Variants in DNAJC13 observed in about 807,000 individuals in gnomAD.
DNAJC13 encodes DnaJ heat shock protein family (Hsp40) member C13, also known as dnaJ homolog subfamily C member 13.
Under a neutral mutation model 290.5 loss-of-function variants are expected in DNAJC13, and 75 were observed. The observed-to-expected ratio is 0.26, with a 90% CI of 0.21 to 0.31. The LOEUF (loss-of-function observed/expected upper bound fraction) is 0.31. Among genes scored for constraint, DNAJC13 ranks in the 10% least tolerant of loss-of-function variants. The probability of loss-of-function intolerance (pLI) is 1.00; values close to 1 mark genes in which losing one functional copy is unlikely to be tolerated. For synonymous variants in DNAJC13, 862 were observed against 892.0 expected, an observed-to-expected ratio of 0.97 and a Z score of 0.60; for missense variants, 2,260 against 2,674.5, an observed-to-expected ratio of 0.85 and a Z score of 3.42.
intron 38 of DNAJC13, 34 bp from the exon 39 acceptor site, chr3:132,500,760 T>C (rs1369341741): frequency 2.5e-6 from 4 of 1,611,710 alleles, no homozygotes; most frequent in African/African-American, 1.3e-5. Context: ...TATGTGACTC[T>C]ACTGGTTTTT....
At chr3:132,466,204 C>G in intron 18 of DNAJC13, 95 bp from the exon 19 acceptor site, 1 of 1,427,756 alleles carries the variant, frequency 7.0e-7, no homozygotes. Context: ...TAAAGTTTTA[C>G]CCTCAATAGC....
At position 132,456,314 on chromosome 3, in the gene DNAJC13, C is replaced by G. The variant is rs1358557636; in HGVS notation, c.1012C>G (p.His338Asp). Residue 338 changes from histidine (H) to aspartate (D), a missense_variant, in exon 10 of 56, where the codon CAT (histidine) becomes GAT (aspartate). By Grantham distance (81) the His-to-Asp change is moderately conservative. Around this residue, in one of 3 missense-constraint regions of DNAJC13, gnomAD observed 762 missense variants for 964.1 expected, o/e 0.79. Transcript: ENST00000260818. The stretch of plus-strand genomic sequence containing the variant: ...TGTTTGTGTAAAAATGACACCAACC[C>G]ATAAAGGTCAGCGATGGGGGTTACT... ...RDVCVKMTPTHKGQRWGLLSM... is the reference protein window; with the variant it reads ...RDVCVKMTPTDKGQRWGLLSM... The G allele has an allele frequency of 3.2e-5, 52 of 1,613,932 alleles. No homozygotes were observed. Among genetic ancestry groups the G allele is most frequent in the Non-Finnish European group, 4.4e-5 (52 of 1,179,886 alleles).
chr3:132,494,268 T>A lies in DNAJC13; in HGVS notation c.3941+9T>A, dbSNP rs769506499. ...CCTCAAGGACAGGGACCGTGAGTTG[T>A]TTTCAGTACAATAGCAAATGTCTGT... On this transcript the variant is annotated intron_variant, in intron 34 of 55. Transcript: ENST00000260818. 31 of 1,589,546 alleles carry A rather than the reference T, an allele frequency of 2.0e-5. No homozygotes were observed. Among genetic ancestry groups the A allele is most frequent in the Non-Finnish European group, 2.5e-5 (29 of 1,158,482 alleles).
chr3:132,524,904 A>T (rs190024037), intron 51 of DNAJC13, among the ~76,000 whole-genome samples: 3 of 152,218 alleles, frequency 2.0e-5, no homozygotes, highest in Admixed American at 1.3e-4. Flanking sequence ...GGAGCCAGAC[A>T]TGTTAAATAG....
At chr3:132,491,944 T>A (rs1312920763) in intron 32 of DNAJC13, among the ~76,000 whole-genome samples, 1 of 152,146 alleles carries the variant, frequency 6.6e-6, no homozygotes, top group Non-Finnish European at 1.5e-5. Context: ...GTAATATTTT[T>A]CTCCTGAGAT....
Position 132,462,535 on chromosome 3 carries a change from A to C in DNAJC13, c.1770+12A>C, listed in dbSNP as rs1559879524. 2 of 1,592,508 alleles carry C rather than the reference A, an allele frequency of 1.3e-6. No individual in the cohort carries two copies. Among genetic ancestry groups the C allele is most frequent in the Non-Finnish European group, 1.7e-6 (2 of 1,168,972 alleles). On this transcript the variant is annotated intron_variant, in intron 16 of 55. Transcript: ENST00000260818. ...AGGCAATAATAGAGGTGAGAGAACA[A>C]TTTTGAAATTTTAACCTTACTTGAA... is the stretch of plus-strand genomic sequence containing the variant.
chr3:132,456,678 A>C lies in DNAJC13; in HGVS notation c.1195A>C (p.Asn399His). The C allele has an allele frequency of 6.2e-7, 1 of 1,613,800 alleles. No homozygotes were observed. The highest frequency in any genetic ancestry group is 8.5e-7 in the Non-Finnish European group (1 of 1,179,844). ...AVTQDGLFSENKEKLINNAIT... is the reference protein window; with the variant it reads ...AVTQDGLFSEHKEKLINNAIT... ...CTTCACCTAGGGTCTCTTCTCAGAA[A>C]ACAAAGAAAAACTGATCAATAATGC... The change falls in exon 12 of 56, where the codon AAC becomes CAC. Residue 399 changes from asparagine to histidine, a missense_variant. Physicochemically the swap from Asn to His is moderately conservative, Grantham distance 68 (BLOSUM62 1). Coordinates refer to ENST00000260818, the MANE Select transcript of DNAJC13 (RefSeq NM_015268.4).
chr3:132,478,230 C>A (rs1335323182), intron 24 of DNAJC13, 90 bp downstream of exon 24: 1 of 1,096,548 alleles, frequency 9.1e-7, no homozygotes, highest in Non-Finnish European at 1.3e-6. Flanking sequence ...TCTGTTTGAT[C>A]ACATTATTAC....
At position 132,446,455 on chromosome 3, in the gene DNAJC13, G is replaced by A. The variant is rs751844823; in HGVS notation, c.69-20G>A. The A allele has an allele frequency of 1.4e-5, 22 of 1,570,186 alleles. No individual in the cohort carries two copies. Among genetic ancestry groups the A allele is most frequent in the Non-Finnish European group, 1.9e-5 (22 of 1,155,312 alleles). On this transcript the variant is annotated intron_variant, in intron 2 of 55. Coordinates refer to ENST00000260818, the MANE Select transcript of DNAJC13 (RefSeq NM_015268.4). ...TCTTTTTGTTTAAAACTAAATTTAA[G>A]CACTTGTTTTCCTTTGTAGGTATAA...
In DNAJC13 at chr3:132,502,464, A is replaced by G; in HGVS notation, c.4712A>G (p.Gln1571Arg). The change falls in exon 40 of 56, where the codon CAG (glutamine) becomes CGG (arginine). Residue 1571 changes from glutamine (Q) to arginine (R), a missense_variant. Around this residue, in one of 3 missense-constraint regions of DNAJC13, gnomAD observed 1,494 missense variants for 1,693.7 expected, o/e 0.88. Coordinates refer to ENST00000260818, the MANE Select transcript of DNAJC13 (RefSeq NM_015268.4). ...SGIQKSEETN[Q>R]QEVANSLAKL... ...ATTCAGAAAAGTGAAGAAACAAACC[A>G]GCAGGTAACTTTAACATTGCTTTAA... 5.6e-6 allele frequency: 9 copies of G among 1,605,792 alleles called. No homozygotes were observed. Among genetic ancestry groups the G allele is most frequent in the Non-Finnish European group, 7.7e-6 (9 of 1,175,720 alleles).
intron 1 of DNAJC13, among the ~76,000 whole-genome samples, chr3:132,426,652 A>AT (rs575192345): frequency 2.5e-4 from 38 of 152,170 alleles, no homozygotes; most frequent in Admixed American, 2.1e-3. Flanking sequence ...AATTTTACAG[A>AT]TTTTTTTCAT....
chr3:132,532,578 AAT>A (rs1271884525), intron 55 of DNAJC13, among the ~76,000 whole-genome samples: 3 of 152,088 alleles, frequency 2.0e-5, no homozygotes, highest in Admixed American at 6.6e-5. Flanking sequence ...TTGGTGTTAA[AAT>A]TATAGCTTCT....
chr3:132,501,739 G>A (rs57486143), intron 39 of DNAJC13, among the ~76,000 whole-genome samples: 2,883 of 152,272 alleles, frequency 0.019, 101 homozygotes, highest in African/African-American at 0.065. Context: ...CTGGGAGGGA[G>A]AGAGAAATGT....
intron 15 of DNAJC13, among the ~76,000 whole-genome samples, chr3:132,461,924 C>T (rs1387268243): frequency 6.6e-6 from 1 of 152,028 alleles, no homozygotes; most frequent in African/African-American, 2.4e-5. Flanking sequence ...TGCCCCTGAG[C>T]TTAAGCGATC....
rs759193483 is a variant in DNAJC13 at position 132,478,086 on chromosome 3, C to T, written c.2655C>T (p.His885=). ...TTGCTATTGTTTATGGCAGATGTCA[C>T]GAAGAAATAGGACCTTTTACAGATA... The part of the protein sequence containing the change: ...QALAIVYGRC[H]EEIGPFTDTR... The change falls in exon 24 of 56, where the codon CAC becomes CAT. Residue 885 remains histidine (H), a synonymous_variant. Transcript: ENST00000260818. The T allele has an allele frequency of 5.0e-6, 8 of 1,612,960 alleles. No individual in the cohort carries two copies. The highest frequency in any genetic ancestry group is 2.7e-5 in the African/African-American group (2 of 74,694).
intron 20 of DNAJC13, among the ~76,000 whole-genome samples, chr3:132,471,366 G>A (rs1197168312): frequency 1.4e-4 from 20 of 145,234 alleles, no homozygotes; most frequent in South Asian, 2.3e-4. Flanking sequence ...CCTCCCTCCC[G>A]GACGGGGTGG....
At chr3:132,477,050 C>T (rs180892993) in intron 22 of DNAJC13, among the ~76,000 whole-genome samples, 1 of 152,264 alleles carries the variant, frequency 6.6e-6, no homozygotes, top group African/African-American at 2.4e-5. Context: ...TCTCCAGTGC[C>T]TGGAATAGTA....
At chr3:132,489,146 T>C in intron 31 of DNAJC13, 125 bp downstream of exon 31, 1 of 668,940 alleles carries the variant, frequency 1.5e-6, no homozygotes, top group East Asian at 2.8e-5. Flanking sequence ...TGTTTTATTC[T>C]GTTCTTACAT....
intron 55 of DNAJC13, among the ~76,000 whole-genome samples, chr3:132,533,376 C>A (rs1462521723): frequency 7.6e-6 from 1 of 132,254 alleles, no homozygotes; most frequent in Non-Finnish European, 1.5e-5. Context: ...TGGTCTGTTG[C>A]CCAGGCTGGA....
Sources: allele counts gnomAD v4.1 joint callset (sites outside exome capture counted in the v4.1 genomes callset), GRCh38; gene constraint gnomAD v4.1.1; regional missense constraint gnomAD v4.1.1; transcripts MANE v1.5; gene names NCBI Gene and HGNC (gene_info 2026-07-23, HGNC 2026-07-21).